VARS2: variants seen among roughly 807,000 people sequenced by gnomAD.
The protein encoded by VARS2 is valyl-tRNA synthetase 2, mitochondrial.
A neutral mutation model predicts 154.1 loss-of-function variants in VARS2; 105 were observed. That is an observed-to-expected ratio of 0.68 (90% confidence interval 0.58 to 0.80). The LOEUF (loss-of-function observed/expected upper bound fraction) is 0.80, where lower values mean the gene tolerates loss of function less well. Among genes scored for constraint, VARS2 ranks in the 30% least tolerant of loss-of-function variants. VARS2 has a pLI of 0.00. For synonymous variants in VARS2, 483 were observed against 539.5 expected, an observed-to-expected ratio of 0.90 and a Z score of 1.45; for missense variants, 1,157 against 1,361.4, an observed-to-expected ratio of 0.85 and a Z score of 2.36.
Position 30,921,683 on chromosome 6 carries a change from T to G in VARS2, c.1727T>G (p.Leu576Arg). ...GGGAGGCCAGGGGCAGAGCTGACCC[T>G]GGAGAGGGGTGAGTGCCTGAGCTGG... ...LTGRPGAELT[L>R]ERDPDVLDTW... is the part of the protein sequence containing the mutation. Residue 576 changes from leucine (L) to arginine (R), a missense_variant, in exon 18 of 30, where the codon CTG becomes CGG. Physicochemically the swap from Leu to Arg is moderately radical, Grantham distance 102 (BLOSUM62 -2). Coordinates refer to ENST00000676266, the MANE Select transcript of VARS2 (RefSeq NM_020442.6). This position sits in a 1 kb window ranked among gnomAD's most constrained non-coding sequence, Gnocchi z 4.6. The G allele has an allele frequency of 6.2e-7, 1 of 1,603,050 alleles. No homozygotes were observed. Among genetic ancestry groups the G allele is most frequent in the Non-Finnish European group, 8.5e-7 (1 of 1,176,402 alleles).
Position 30,923,385 on chromosome 6 carries a change from C to G in VARS2, c.2346C>G (p.Ile782Met). The G allele has an allele frequency of 6.2e-7, 1 of 1,611,958 alleles. No homozygotes were observed. The highest frequency in any genetic ancestry group is 8.5e-7 in the Non-Finnish European group (1 of 1,179,660). ...CCTCCTCCCCGATGGATGCCTGGAT[C>G]CTGAGCCGCCTTGCCCTGGCTGCCC... Reference protein sequence around the residue: ...LSPSSPMDAWILSRLALAAQE... With the variant: ...LSPSSPMDAWMLSRLALAAQE... The change falls in exon 25 of 30, where the codon ATC (isoleucine) becomes ATG (methionine). Residue 782 changes from isoleucine to methionine, a missense_variant. Coordinates refer to ENST00000676266, the MANE Select transcript of VARS2 (RefSeq NM_020442.6).
Position 30,919,690 on chromosome 6 carries a change from C to T in VARS2, c.1075-68C>T. ...TCTACCTTCTTATTCCTGGGGTTCT[C>T]ACGCCCCAGCCCAGACCCTTCCAAC... On this transcript the variant is annotated intron_variant, in intron 11 of 29. Coordinates refer to ENST00000676266, the MANE Select transcript of VARS2 (RefSeq NM_020442.6). The surrounding 1 kb of genome is among the most constrained non-coding windows in gnomAD (Gnocchi z 4.5). 4.7e-6 allele frequency: 6 copies of T among 1,274,680 alleles called. No individual in the cohort carries two copies. Among genetic ancestry groups the T allele is most frequent in the Non-Finnish European group, 6.3e-6 (6 of 959,038 alleles). 79.0% of individuals were successfully genotyped at this position (1,274,680 alleles called of 1,614,324 possible).
In VARS2 at chr6:30,916,827, C is replaced by T. The variant is rs944953105; in HGVS notation, c.672-51C>T. On this transcript the variant is annotated intron_variant, in intron 7 of 29. Coordinates refer to ENST00000676266, the MANE Select transcript of VARS2 (RefSeq NM_020442.6). This position sits in a 1 kb window ranked among gnomAD's most constrained non-coding sequence, Gnocchi z 4.0. ...GCTGGGGGCATCGCTGGGCCTGGTACATAGGAAGTGCTTGGGAAGTGTTTG... is the reference window on the plus strand; with the variant it reads ...GCTGGGGGCATCGCTGGGCCTGGTATATAGGAAGTGCTTGGGAAGTGTTTG... 1 of 1,594,698 alleles carries T rather than the reference C, an allele frequency of 6.3e-7. No homozygotes were observed.
intron 1 of VARS2, chr6:30,914,599 C>T (rs1173978397): frequency 3.2e-6 from 4 of 1,239,260 alleles, no homozygotes; most frequent in Non-Finnish European, 4.3e-6. Flanking sequence ...GACACTCCGG[C>T]CCTGTTCCGG....
At chr6:30,922,670 C>G in intron 21 of VARS2, 36 bp from the exon 22 acceptor site, 1 of 1,600,214 alleles carries the variant, frequency 6.2e-7, no homozygotes, top group Non-Finnish European at 8.5e-7. Flanking sequence ...GCAGGGCCTT[C>G]GACCTGGGTC....
At chr6:30,924,237 T>A in intron 25 of VARS2, 117 bp from the exon 26 acceptor site, 1 of 990,934 alleles carries the variant, frequency 1.0e-6, no homozygotes, top group Non-Finnish European at 1.6e-6. Flanking sequence ...TGCTAAGTGC[T>A]TCTGCCTGTC....
chr6:30,922,939 T>G lies in VARS2; in HGVS notation c.2148T>G (p.Asp716Glu). Residue 716 changes from aspartate (D) to glutamate (E), a missense_variant, in exon 23 of 30, where the codon GAT becomes GAG. Coordinates refer to ENST00000676266, the MANE Select transcript of VARS2 (RefSeq NM_020442.6). ...ACGGGATCCCTGAGTGTGGGACAGA[T>G]GCCCTGAGATTCACACTCTGCTCCC... is the stretch of plus-strand genomic sequence containing the variant. The part of the protein sequence containing the change: ...FPHGIPECGT[D>E]ALRFTLCSHG... 1 of 1,610,666 alleles carries G rather than the reference T, an allele frequency of 6.2e-7. No individual in the cohort carries two copies. Among genetic ancestry groups the G allele is most frequent in the Non-Finnish European group, 8.5e-7 (1 of 1,178,364 alleles).
chr6:30,920,647 C>T lies in VARS2; in HGVS notation c.1398-21C>T. ...GTCACAGGGCCGGAAGAGCAGTGGA[C>T]TCACCCTGTCTCTCTTTCAGCCGTT... On this transcript the variant is annotated intron_variant, in intron 14 of 29. Transcript: ENST00000676266. This position sits in a 1 kb window ranked among gnomAD's most constrained non-coding sequence, Gnocchi z 4.6. 1 of 1,541,726 alleles carries T rather than the reference C, an allele frequency of 6.5e-7. No homozygotes were observed. Among genetic ancestry groups the T allele is most frequent in the Non-Finnish European group, 8.8e-7 (1 of 1,140,262 alleles).
rs1330096849 is a variant in VARS2, at chr6:30,914,893, A to T, written c.57A>T (p.Ser19=). 6.2e-7 allele frequency: 1 copy of T among 1,612,850 alleles called. No individual in the cohort carries two copies. Among genetic ancestry groups the T allele is most frequent in the Non-Finnish European group, 8.5e-7 (1 of 1,179,984 alleles). The change falls in exon 2 of 30, where the codon TCA becomes TCT. Residue 19 remains serine, a synonymous_variant. Coordinates refer to ENST00000676266, the MANE Select transcript of VARS2 (RefSeq NM_020442.6). The stretch of plus-strand genomic sequence containing the variant: ...CACCATTTTGGGGGCTGAGGCACTC[A>T]CGGGGCCTCCCCAGGTTTCACTCCG... ...FRPPFWGLRH[S]RGLPRFHSVS...
intron 1 of VARS2, 133 bp downstream of exon 1, chr6:30,914,477 T>A: frequency 7.5e-7 from 1 of 1,325,460 alleles, no homozygotes; most frequent in South Asian, 2.2e-5. Flanking sequence ...CAGGTGGAGA[T>A]CGCCGCGGCC....
At position 30,916,217 on chromosome 6, in the gene VARS2, C is replaced by T. The variant is rs201160970; in HGVS notation, c.639C>T (p.Ala213=). ...GGAGACATGAGCTGAGCCGGGAGGC[C>T]TTCCTTAGGGAGGTGTGGCAGTGGA... The part of the protein sequence containing the change: ...GVRRHELSRE[A]FLREVWQWKE... Residue 213 remains alanine, a synonymous_variant, in exon 7 of 30, where the codon GCC becomes GCT. Coordinates refer to ENST00000676266, the MANE Select transcript of VARS2 (RefSeq NM_020442.6). This position sits in a 1 kb window ranked among gnomAD's most constrained non-coding sequence, Gnocchi z 4.0. 110 of 1,613,580 alleles carry T rather than the reference C, an allele frequency of 6.8e-5. 1 individual carries two copies. The East Asian group carries it at 2.4e-3, about 35-fold the overall frequency.
chr6:30,925,292 G>A lies in VARS2; in HGVS notation c.2692G>A (p.Glu898Lys). Reference sequence around the variant, plus strand: ...TTGCCAGGAGCACTGGCGCCAGCCAGAGCTGGAGCGGCGCTTCTCCCGGGT... The same window carrying A: ...TTGCCAGGAGCACTGGCGCCAGCCAAAGCTGGAGCGGCGCTTCTCCCGGGT... ...ACSLEHWRQP[E>K]LERRFSRVQE... The change falls in exon 27 of 30, where the codon GAG becomes AAG. Residue 898 changes from glutamate (E) to lysine (K), a missense_variant. Transcript: ENST00000676266. 3.1e-6 allele frequency: 5 copies of A among 1,612,252 alleles called. No homozygotes were observed. The highest frequency in any genetic ancestry group is 1.7e-4 in the Middle Eastern group (1 of 6,060).
rs1794836468 is a variant in VARS2 at position 30,926,316 on chromosome 6, C to T, written c.*106C>T. On this transcript the variant is annotated 3_prime_UTR_variant, in exon 30 of 30. Coordinates refer to ENST00000676266, the MANE Select transcript of VARS2 (RefSeq NM_020442.6). ...GGACGTCAGAGACTATGTGGTCCAT[C>T]GCCTTCATTGTGTAAATGAGGACAC... 4.4e-6 allele frequency: 5 copies of T among 1,145,626 alleles called. No homozygotes were observed. Among genetic ancestry groups the T allele is most frequent in the Admixed American group, 2.1e-5 (1 of 48,618 alleles). The allele number at this position is 1,145,626 out of a possible 1,614,324, so 71.0% of individuals were successfully genotyped here. A position where few individuals can be genotyped will look rare whatever the true frequency, so the allele number is the denominator to read the frequency against.
Position 30,921,818 on chromosome 6 carries a change from C to T in VARS2, c.1736-107C>T. On this transcript the variant is annotated intron_variant, in intron 18 of 29. Transcript: ENST00000676266. This position sits in a 1 kb window ranked among gnomAD's most constrained non-coding sequence, Gnocchi z 4.6. The stretch of plus-strand genomic sequence containing the variant: ...AAGTTGGGAATGGAGCCAAAGGGGA[C>T]AGCCCTGGTCTCTGGGGGTGGGGGT... The T allele has an allele frequency of 1.3e-6, 2 of 1,554,152 alleles. No individual in the cohort carries two copies. The highest frequency in any genetic ancestry group is 1.8e-6 in the Non-Finnish European group (2 of 1,133,784).
chr6:30,920,195 C>CTCT lies in VARS2; in HGVS notation c.1272_1273insTCT (p.Ser424dup). The CTCT allele has an allele frequency of 6.3e-7, 1 of 1,582,908 alleles. No homozygotes were observed. Among genetic ancestry groups the CTCT allele is most frequent in the Non-Finnish European group, 8.6e-7 (1 of 1,163,328 alleles). ...TTGCGGAGGATGGGACCATGACCTCCCTCTGCGGGGACTGGCTGCAGGTGG... is the reference window on the plus strand; with the variant it reads ...TTGCGGAGGATGGGACCATGACCTCCTCTCTCTGCGGGGACTGGCTGCAGGTGG... On this transcript the variant is annotated inframe_insertion, in exon 13 of 30. Coordinates refer to ENST00000676266, the MANE Select transcript of VARS2 (RefSeq NM_020442.6). The surrounding 1 kb of genome is among the most constrained non-coding windows in gnomAD (Gnocchi z 4.6).
rs1794584225 is a variant in VARS2 at position 30,922,474 on chromosome 6, G to A, written c.1957G>A (p.Asp653Asn). Residue 653 changes from aspartate to asparagine, a missense_variant, in exon 21 of 30, where the codon GAC becomes AAC. Coordinates refer to ENST00000676266, the MANE Select transcript of VARS2 (RefSeq NM_020442.6). The stretch of plus-strand genomic sequence containing the variant: ...GGTGCTTCTTCATCCCATGGTTCGG[G>A]ACAGGCAGGGCCGGAAGATGAGCAA... Reference protein sequence around the residue: ...SKVLLHPMVRDRQGRKMSKSL... With the variant: ...SKVLLHPMVRNRQGRKMSKSL... 6.2e-7 allele frequency: 1 copy of A among 1,602,234 alleles called. No individual in the cohort carries two copies. The highest frequency in any genetic ancestry group is 8.5e-7 in the Non-Finnish European group (1 of 1,175,120).
rs779521476 is a variant in VARS2 at position 30,916,869 on chromosome 6, TGGGCACA to T, written c.672-6_672del. 6.2e-7 allele frequency: 1 copy of T among 1,614,120 alleles called. No homozygotes were observed. The highest frequency in any genetic ancestry group is 1.7e-5 in the Admixed American group (1 of 60,024). On this transcript the variant is annotated splice_acceptor_variant and splice_polypyrimidine_tract_variant and intron_variant, in intron 7 of 29. Coordinates refer to ENST00000676266, the MANE Select transcript of VARS2 (RefSeq NM_020442.6). LOFTEE classifies it high-confidence loss of function. This position sits in a 1 kb window ranked among gnomAD's most constrained non-coding sequence, Gnocchi z 4.0. ...AAGTGTTTGCTGACAAGGATCTCTC[TGGGCACA>T]GGAAAGGTGGAGAGATCTGTGAGCA...
In VARS2 at chr6:30,922,442, GC is replaced by G. The variant is rs1211124014; in HGVS notation, c.1933-3del. On this transcript the variant is annotated splice_region_variant and splice_polypyrimidine_tract_variant and intron_variant, in intron 20 of 29. Coordinates refer to ENST00000676266, the MANE Select transcript of VARS2 (RefSeq NM_020442.6). ...AACCCCCCTCTGTTGACCCCTCCCT[GC>G]CCCCAGGTGCTTCTTCATCCCATGG... The G allele has an allele frequency of 3.1e-6, 5 of 1,606,956 alleles. No homozygotes were observed. Among genetic ancestry groups the G allele is most frequent in the Non-Finnish European group, 4.2e-6 (5 of 1,177,406 alleles).
chr6:30,917,097 C>T lies in VARS2; in HGVS notation c.754-8C>T, dbSNP rs1794224411. ...GGCTCTTAGAGGTGGACACTCAGGT[C>T]ATTCCAGGGCTCCTCAGTGGCTGTG... is the stretch of plus-strand genomic sequence containing the variant. On this transcript the variant is annotated splice_region_variant and splice_polypyrimidine_tract_variant and intron_variant, in intron 8 of 29. Transcript: ENST00000676266. This position sits in a 1 kb window ranked among gnomAD's most constrained non-coding sequence, Gnocchi z 4.4. 6.2e-7 allele frequency: 1 copy of T among 1,614,056 alleles called. No individual in the cohort carries two copies. The highest frequency in any genetic ancestry group is 1.7e-5 in the Admixed American group (1 of 59,998).
Sources: gnomAD v4.1 joint callset for allele counts on GRCh38, gnomAD v4.1.1 for gene constraint, Gnocchi (gnomAD v3.1) non-coding constraint, MANE v1.5 for transcripts, NCBI Gene and HGNC (gene_info 2026-07-23, HGNC 2026-07-21) for gene names.